The following ARVCF variants were observed in gnomAD, a reference collection of about 807,000 sequenced individuals.
ARVCF encodes the protein splicing regulator ARVCF.
In ARVCF, 66 loss-of-function variants were observed where a neutral mutation model predicts 90.9. That is an observed-to-expected ratio of 0.73 (90% CI 0.60 to 0.89). The LOEUF (loss-of-function observed/expected upper bound fraction) is 0.89, where lower values mean the gene tolerates loss of function less well. Among genes scored for constraint, ARVCF ranks in the 40% least tolerant of loss-of-function variants. The pLI, the probability that ARVCF is intolerant of heterozygous loss-of-function variation, is 0.00. For synonymous variants in ARVCF, 653 were observed against 603.4 expected, an observed-to-expected ratio of 1.08 and a Z score of -1.21; for missense variants, 1,469 against 1,382.3, an observed-to-expected ratio of 1.06 and a Z score of -1.00.
At chr22:20,005,605 G>T (rs2146469348) in intron 2 of ARVCF, among the ~76,000 whole-genome samples, 1 of 152,236 alleles carries the variant, frequency 6.6e-6, no homozygotes, top group East Asian at 1.9e-4. Context: ...GGATCACAAG[G>T]TCAGGAGATC....
chr22:19,988,340 A>G (rs1943898406), intron 3 of ARVCF, among the ~76,000 whole-genome samples: 1 of 152,218 alleles, frequency 6.6e-6, no homozygotes, highest in African/African-American at 2.4e-5. Context: ...AGCAGAGCGC[A>G]GAAGACCAGA....
At chr22:19,976,605 G>A (rs1943166028) in intron 10 of ARVCF, 101 bp downstream of exon 10, 1 of 1,449,046 alleles carries the variant, frequency 6.9e-7, no homozygotes, top group Non-Finnish European at 9.4e-7. Flanking sequence ...GAGTGATGAA[G>A]CCAGGGGTGG....
intron 2 of ARVCF, among the ~76,000 whole-genome samples, chr22:19,995,257 T>C (rs186782367): frequency 1.3e-5 from 2 of 152,012 alleles, no homozygotes; most frequent in African/African-American, 4.8e-5. Flanking sequence ...GCTGGATGGA[T>C]ACGGGTGGTG....
Position 19,973,689 on chromosome 22 carries a change from G to T in ARVCF, c.2193C>A (p.Ile731=), listed in dbSNP as rs755882688. ...GGTCCAGCGAGAGGTTGCGCAGAGC[G>T]ATGGCGACGGCGCGCACCACCTTGT... The part of the protein sequence containing the change: ...ETDKVVRAVA[I]ALRNLSLDRR... Residue 731 remains isoleucine (I), a synonymous_variant, in exon 13 of 20, where the codon ATC becomes ATA. Transcript: ENST00000263207. 4.3e-6 allele frequency: 7 copies of T among 1,610,456 alleles called. No individual in the cohort carries two copies. The South Asian group carries it at 7.7e-5, about 18-fold the overall frequency.
At chr22:19,966,859 A>G (rs1248493640), downstream of ARVCF, 4 of 813,794 alleles carry the variant, frequency 4.9e-6, no homozygotes, top group East Asian at 3.7e-4. Flanking sequence ...AAGGGAGGAG[A>G]GTCTAAGGAG....
chr22:20,016,649 G>A lies in ARVCF; in HGVS notation c.-133C>T, dbSNP rs1471306264. 1 of 151,320 alleles carries A rather than the reference G, an allele frequency of 6.6e-6. No individual in the cohort carries two copies. The highest frequency in any genetic ancestry group is 1.5e-5 in the Non-Finnish European group (1 of 67,766). 9.4% of individuals were successfully genotyped at this position (151,320 alleles called of 1,614,324 possible). The stretch of plus-strand genomic sequence containing the variant: ...TCGGACCCCAGAAGGGCTTCCCCGG[G>A]TCCGTTGGCGCGCGGGGAGCGGCGT... On this transcript the variant is annotated 5_prime_UTR_variant, in exon 1 of 20. Transcript: ENST00000263207.
Position 19,980,190 on chromosome 22 carries a change from C to T in ARVCF, c.949G>A (p.Ala317Thr), listed in dbSNP as rs777183505. Residue 317 changes from alanine to threonine, a missense_variant, in exon 6 of 20, where the codon GCG (alanine) becomes ACG (threonine). Coordinates refer to ENST00000263207, the MANE Select transcript of ARVCF (RefSeq NM_001670.3). ...DGGELADERPAFPMVTAPLAQ... is the reference protein window; with the variant it reads ...DGGELADERPTFPMVTAPLAQ... ...AGGGGCGCCGTCACCATTGGGAACG[C>T]AGGCCGCTCGTCCGCCAGCTCGCCG... is the stretch of plus-strand genomic sequence containing the variant. 1 of 1,560,460 alleles carries T rather than the reference C, an allele frequency of 6.4e-7. No homozygotes were observed. Among genetic ancestry groups the T allele is most frequent in the Admixed American group, 1.8e-5 (1 of 54,744 alleles).
chr22:20,001,555 G>A (rs989276147), intron 2 of ARVCF, among the ~76,000 whole-genome samples: 2 of 152,220 alleles, frequency 1.3e-5, no homozygotes, highest in Non-Finnish European at 2.9e-5. Flanking sequence ...TATAATCCCA[G>A]CACTTTGGAA....
At chr22:19,974,017 C>T in intron 12 of ARVCF, 95 bp downstream of exon 12, 1 of 1,528,842 alleles carries the variant, frequency 6.5e-7, no homozygotes, top group Non-Finnish European at 8.8e-7. Context: ...TGTGGCCCCT[C>T]CTTTCCCCGC....
intron 1 of ARVCF, among the ~76,000 whole-genome samples, chr22:20,012,757 G>C (rs1425074600): frequency 6.6e-6 from 1 of 152,270 alleles, no homozygotes; most frequent in Non-Finnish European, 1.5e-5. Flanking sequence ...AAGCCCTGTG[G>C]TTCTGGCACG....
rs1280761564 is a variant in ARVCF at position 19,970,738 on chromosome 22, T to G, written c.*18A>C. ...AGCCCTAAGAACAAGAGGCTGGGCCTGGGCCCTGCAGAGGGAAAGGGGATG... is the reference window on the plus strand; with the variant it reads ...AGCCCTAAGAACAAGAGGCTGGGCCGGGGCCCTGCAGAGGGAAAGGGGATG... On this transcript the variant is annotated 3_prime_UTR_variant, in exon 20 of 20. Transcript: ENST00000263207. 2.3e-6 allele frequency: 3 copies of G among 1,290,572 alleles called. No homozygotes were observed. The South Asian group carries it at 3.7e-5, about 16-fold the overall frequency. 79.9% of individuals were successfully genotyped at this position (1,290,572 alleles called of 1,614,324 possible). A position where few individuals can be genotyped will look rare whatever the true frequency, so the allele number is the denominator to read the frequency against.
chr22:19,976,559 C>T (rs1760445610), intron 10 of ARVCF, 147 bp downstream of exon 10: 3 of 1,124,560 alleles, frequency 2.7e-6, no homozygotes, highest in East Asian at 5.2e-5. Context: ...AGCCCCGTGG[C>T]CTTCCCACCT....
chr22:20,012,486 T>C (rs1334172162), intron 1 of ARVCF, among the ~76,000 whole-genome samples: 1 of 152,204 alleles, frequency 6.6e-6, no homozygotes, highest in Non-Finnish European at 1.5e-5. Flanking sequence ...TATGGGAAGG[T>C]GGGGAGGTGC....
chr22:19,979,322 C>T (rs904034528), intron 6 of ARVCF: 3 of 553,992 alleles, frequency 5.4e-6, no homozygotes, highest in Admixed American at 3.3e-5. Flanking sequence ...CCCACCCATT[C>T]CCTGCCATGT....
At chr22:20,008,999 C>A (rs1438564214) in intron 2 of ARVCF, among the ~76,000 whole-genome samples, 1 of 152,132 alleles carries the variant, frequency 6.6e-6, no homozygotes, top group African/African-American at 2.4e-5. Context: ...CCTGGGCAGC[C>A]TCGGACCTGC....
chr22:19,981,599 G>C lies in ARVCF; in HGVS notation c.508C>G (p.Arg170Gly), dbSNP rs775972411. 1.9e-6 allele frequency: 3 copies of C among 1,607,380 alleles called. No homozygotes were observed. Among genetic ancestry groups the C allele is most frequent in the Non-Finnish European group, 2.5e-6 (3 of 1,179,582 alleles). ...AGTGTGGCCACTGGGCCACCACCAC[G>C]CAGCAGGAAATGCCGGTCCAGGGCA... is the stretch of plus-strand genomic sequence containing the variant. ...DGALDRHFLLRGGGPVATLSR... is the reference protein window; with the variant it reads ...DGALDRHFLLGGGGPVATLSR... Residue 170 changes from arginine (R) to glycine (G), a missense_variant, in exon 5 of 20, where the codon CGT becomes GGT. By Grantham distance (125) the Arg-to-Gly change is moderately radical (BLOSUM62 -2). Transcript: ENST00000263207.
chr22:19,980,358 G>A, intron 5 of ARVCF, 116 bp from the exon 6 acceptor site: 1 of 1,382,798 alleles, frequency 7.2e-7, no homozygotes, highest in African/African-American at 1.5e-5. Flanking sequence ...GCTGGGCTGA[G>A]AGCACCTGTA....
At position 19,972,992 on chromosome 22, in the gene ARVCF, G is replaced by A. The variant is rs751048776; in HGVS notation, c.2483C>T (p.Thr828Ile). 2 of 1,613,498 alleles carry A rather than the reference G, an allele frequency of 1.2e-6. No individual in the cohort carries two copies. The highest frequency in any genetic ancestry group is 2.2e-5 in the East Asian group (1 of 44,868). Residue 828 changes from threonine (T) to isoleucine (I), a missense_variant, in exon 15 of 20, where the codon ACA (threonine) becomes ATA (isoleucine). Physicochemically the swap from Thr to Ile is moderately conservative, Grantham distance 89. Transcript: ENST00000263207. ...ACGCAGCTCCTTGTAGCTCCACACT[G>A]TCTGCAGCACGTGTGACGCCGCCTT... ...EAKAASHVLQ[T>I]VWSYKELRGT...
chr22:19,974,680 T>G (rs2239395), intron 11 of ARVCF, among the ~76,000 whole-genome samples: 19,633 of 152,050 alleles, frequency 0.13, 2,502 homozygotes, highest in African/African-American at 0.33. Context: ...CAAGAGGACC[T>G]GCTTTCACCA....
Sources: allele counts gnomAD v4.1 joint callset (sites outside exome capture counted in the v4.1 genomes callset), GRCh38; gene constraint gnomAD v4.1.1; transcripts MANE v1.5; gene names NCBI Gene and HGNC (gene_info 2026-07-23, HGNC 2026-07-21).